FCGR2A: variants seen among roughly 807,000 people sequenced by gnomAD.
The protein encoded by FCGR2A is Fc gamma receptor IIa, also known as low affinity immunoglobulin gamma Fc region receptor II-a.
In FCGR2A, 18 loss-of-function variants were observed where a neutral mutation model predicts 29.3. That is an observed-to-expected ratio of 0.62 (90% CI 0.43 to 0.91). The LOEUF (loss-of-function observed/expected upper bound fraction) is 0.91, where lower values mean the gene tolerates loss of function less well. Ranked by LOEUF, FCGR2A falls within the 40% of genes least tolerant of loss-of-function variation. The probability of loss-of-function intolerance (pLI) is 0.00; values close to 1 mark genes in which losing one functional copy is unlikely to be tolerated. For synonymous variants in FCGR2A, 126 were observed against 144.8 expected (o/e 0.87, Z 0.93); for missense variants, 287 against 393.0 (o/e 0.73, Z 2.28).
chr1:161,510,232 A>C (rs1675680414), intron 4 of FCGR2A, 158 bp downstream of exon 4: 1 of 1,341,176 alleles, frequency 7.5e-7, no homozygotes, highest in Non-Finnish European at 1.0e-6. Flanking sequence ...AGTATTGACC[A>C]ACAAGTAGGG....
chr1:161,507,498 C>G (rs894061918), intron 3 of FCGR2A, among the ~76,000 whole-genome samples: 2 of 152,202 alleles, frequency 1.3e-5, no homozygotes, highest in African/African-American at 4.8e-5. Context: ...GAGCTGCACT[C>G]TTGGTGCATA....
At chr1:161,510,721 A>G in intron 4 of FCGR2A, 113 bp from the exon 5 acceptor site, 1 of 1,349,018 alleles carries the variant, frequency 7.4e-7, no homozygotes, top group Non-Finnish European at 1.0e-6. Context: ...GAAGAGCTTC[A>G]GGTGACAAGC....
At chr1:161,522,235 C>A (rs1375077691), downstream of FCGR2A, among the ~76,000 whole-genome samples, 2 of 152,042 alleles carry the variant, frequency 1.3e-5, no homozygotes, top group East Asian at 3.9e-4. Flanking sequence ...AAAAAACCCC[C>A]AACAACCCTA....
chr1:161,506,240 C>G (rs1675380347), intron 2 of FCGR2A, 94 bp from the exon 3 acceptor site: 1 of 1,516,224 alleles, frequency 6.6e-7, no homozygotes, highest in African/African-American at 1.4e-5. Context: ...TACAATAGGA[C>G]TCTTGGGTGC....
chr1:161,505,676 A>G lies in FCGR2A; in HGVS notation c.85+124A>G, dbSNP rs953805000. ...CAGGGGATAGATTGAAAGAGGAGAG[A>G]GGACCCTGAATTCTTAAGTGTTCCA... On this transcript the variant is annotated intron_variant, in intron 1 of 6. Coordinates refer to ENST00000271450, the MANE Select transcript of FCGR2A (RefSeq NM_001136219.3). 5 of 831,376 alleles carry G rather than the reference A, an allele frequency of 6.0e-6. No homozygotes were observed. The African/African-American group carries it at 8.3e-5, about 14-fold the overall frequency. The allele number at this position is 831,376 out of a possible 1,614,324, so 51.5% of individuals were successfully genotyped here.
chr1:161,509,394 G>C (rs1026283201), intron 3 of FCGR2A, among the ~76,000 whole-genome samples: 1 of 151,520 alleles, frequency 6.6e-6, no homozygotes, highest in Non-Finnish European at 1.5e-5. Flanking sequence ...GGGGAAGAAG[G>C]CTCTACTTCT....
chr1:161,505,944 T>C (rs759839029), intron 1 of FCGR2A, 43 bp from the exon 2 acceptor site: 17 of 1,611,212 alleles, frequency 1.1e-5, no homozygotes, highest in Non-Finnish European at 1.4e-5. Context: ...TTTGAAGCCG[T>C]GTTCTCCTGC....
At position 161,506,558 on chromosome 1, in the gene FCGR2A, C is replaced by T. The variant is rs768480798; in HGVS notation, c.331C>T (p.Leu111Phe). Reference protein sequence around the residue: ...EYTCQTGQTSLSDPVHLTVLS... With the variant: ...EYTCQTGQTSFSDPVHLTVLS... Reference sequence around the variant, plus strand: ...CACGTGCCAGACTGGCCAGACCAGCCTCAGCGACCCTGTGCATCTGACTGT... The same window carrying T: ...CACGTGCCAGACTGGCCAGACCAGCTTCAGCGACCCTGTGCATCTGACTGT... Residue 111 changes from leucine to phenylalanine, a missense_variant, in exon 3 of 7, where the codon CTC becomes TTC. Around this residue, in one of 3 missense-constraint regions of FCGR2A, gnomAD observed 181 missense variants for 250.9 expected, o/e 0.72. Coordinates refer to ENST00000271450, the MANE Select transcript of FCGR2A (RefSeq NM_001136219.3). 6.2e-7 allele frequency: 1 copy of T among 1,614,170 alleles called. No individual in the cohort carries two copies. The highest frequency in any genetic ancestry group is 1.7e-5 in the Admixed American group (1 of 60,018).
Position 161,509,854 on chromosome 1 carries a change from C to A in FCGR2A, c.399C>A (p.Phe133Leu). Residue 133 changes from phenylalanine to leucine, a missense_variant, in exon 4 of 7, where the codon TTC (phenylalanine) becomes TTA (leucine). Phe to Leu is a conservative substitution (Grantham distance 22). Transcript: ENST00000271450. ...TGCTCCAGACCCCTCACCTGGAGTTCCAGGAGGGAGAAACCATCATGCTGA... is the reference window on the plus strand; with the variant it reads ...TGCTCCAGACCCCTCACCTGGAGTTACAGGAGGGAGAAACCATCATGCTGA... ...WLVLQTPHLEFQEGETIMLRC... is the reference protein window; with the variant it reads ...WLVLQTPHLELQEGETIMLRC... 1.2e-6 allele frequency: 2 copies of A among 1,614,164 alleles called. No individual in the cohort carries two copies. The highest frequency in any genetic ancestry group is 8.5e-7 in the Non-Finnish European group (1 of 1,180,026).
At chr1:161,505,800 C>G (rs757529791) in intron 1 of FCGR2A, 187 bp from the exon 2 acceptor site, 1 of 725,796 alleles carries the variant, frequency 1.4e-6, no homozygotes, top group Non-Finnish European at 2.5e-6. Flanking sequence ...TGAGGAGGAA[C>G]AGGAAATGAG....
downstream of FCGR2A, among the ~76,000 whole-genome samples, chr1:161,520,253 C>T (rs1022996433): frequency 5.3e-5 from 8 of 152,028 alleles, no homozygotes; most frequent in South Asian, 4.2e-4. Context: ...AGTTCCTTAT[C>T]GCTGGGGAGG....
At chr1:161,521,381 A>T (rs1200872580), downstream of FCGR2A, among the ~76,000 whole-genome samples, 1 of 151,942 alleles carries the variant, frequency 6.6e-6, no homozygotes, top group Non-Finnish European at 1.5e-5. Context: ...GAGACTTTAA[A>T]CTGGAAAGTC....
chr1:161,507,124 G>A (rs1008691062), intron 3 of FCGR2A, among the ~76,000 whole-genome samples: 16 of 152,066 alleles, frequency 1.1e-4, no homozygotes, highest in African/African-American at 3.9e-4. Context: ...GAGTTGAGAT[G>A]GCTTTAATTA....
In FCGR2A at chr1:161,506,444, A is replaced by G. The variant is rs769887593; in HGVS notation, c.217A>G (p.Ile73Val). 1 of 1,614,196 alleles carries G rather than the reference A, an allele frequency of 6.2e-7. No homozygotes were observed. The highest frequency in any genetic ancestry group is 2.2e-5 in the East Asian group (1 of 44,888). ...QGARSPESDS[I>V]QWFHNGNLIP... Reference sequence around the variant, plus strand: ...GGCTCGCAGCCCTGAGAGCGACTCCATTCAGTGGTTCCACAATGGGAATCT... The same window carrying G: ...GGCTCGCAGCCCTGAGAGCGACTCCGTTCAGTGGTTCCACAATGGGAATCT... Residue 73 changes from isoleucine to valine, a missense_variant, in exon 3 of 7, where the codon ATT becomes GTT. Physicochemically the swap from Ile to Val is conservative, Grantham distance 29. Transcript: ENST00000271450.
Position 161,506,554 on chromosome 1 carries a change from C to A in FCGR2A, c.327C>A (p.Thr109=), listed in dbSNP as rs1001343776. 3 of 1,614,156 alleles carry A rather than the reference C, an allele frequency of 1.9e-6. No homozygotes were observed. Among genetic ancestry groups the A allele is most frequent in the Non-Finnish European group, 2.5e-6 (3 of 1,180,008 alleles). The stretch of plus-strand genomic sequence containing the variant: ...AGTACACGTGCCAGACTGGCCAGAC[C>A]AGCCTCAGCGACCCTGTGCATCTGA... ...SGEYTCQTGQ[T]SLSDPVHLTV... Residue 109 remains threonine (T), a synonymous_variant, in exon 3 of 7, where the codon ACC becomes ACA. Coordinates refer to ENST00000271450, the MANE Select transcript of FCGR2A (RefSeq NM_001136219.3).
intron 6 of FCGR2A, 56 bp downstream of exon 6, chr1:161,513,988 C>A (rs1460070162): frequency 2.5e-6 from 4 of 1,613,248 alleles, no homozygotes; most frequent in African/African-American, 1.3e-5. Flanking sequence ...TCTCCTGTTT[C>A]CTCTCATTTT....
intron 2 of FCGR2A, 98 bp from the exon 3 acceptor site, chr1:161,506,236 A>G (rs2102455805): frequency 1.3e-6 from 2 of 1,484,788 alleles, no homozygotes; most frequent in East Asian, 4.5e-5. Flanking sequence ...CATCTACAAT[A>G]GGACTCTTGG....
chr1:161,506,220 G>C (rs1050006385), intron 2 of FCGR2A, 114 bp from the exon 3 acceptor site: 2 of 1,431,846 alleles, frequency 1.4e-6, no homozygotes, highest in African/African-American at 1.4e-5. Context: ...TACAGATCTT[G>C]AACTACATCT....
chr1:161,505,530 A>G lies in FCGR2A; in HGVS notation c.63A>G (p.Pro21=). The G allele has an allele frequency of 6.2e-7, 1 of 1,614,148 alleles. No individual in the cohort carries two copies. Among genetic ancestry groups the G allele is most frequent in the Non-Finnish European group, 8.5e-7 (1 of 1,179,984 alleles). The change falls in exon 1 of 7, where the codon CCA becomes CCG. Residue 21 remains proline, a synonymous_variant. Transcript: ENST00000271450. ...VCPRNLWLLQ[P]LTVLLLLASA... is the part of the protein sequence containing the mutation. ...CCAGAAACCTGTGGCTGCTTCAACC[A>G]TTGACAGTTTTGCTGCTGCTGGGTG...
Sources: gnomAD v4.1 joint callset for allele counts (sites outside exome capture counted in the v4.1 genomes callset) on GRCh38, gnomAD v4.1.1 for gene constraint, gnomAD v4.1.1 regional missense constraint, MANE v1.5 for transcripts, NCBI Gene and HGNC (gene_info 2026-07-23, HGNC 2026-07-21) for gene names.